CTNNA3: variants seen among roughly 807,000 people sequenced by gnomAD.
CTNNA3 encodes the protein catenin alpha 3, also known as catenin alpha-3.
In CTNNA3, 76 loss-of-function variants were observed where a neutral mutation model predicts 95.7. The observed-to-expected ratio is 0.79, with a 90% CI of 0.66 to 0.96. The LOEUF (loss-of-function observed/expected upper bound fraction) is 0.96, where lower values mean the gene tolerates loss of function less well. CTNNA3 is among the 40% of genes least tolerant of loss of function. The probability of loss-of-function intolerance (pLI) is 0.00; values close to 1 mark genes in which losing one functional copy is unlikely to be tolerated. For synonymous variants in CTNNA3, 431 were observed against 374.4 expected (o/e 1.15, Z -1.74); for missense variants, 1,191 against 1,089.8 (o/e 1.09, Z -1.31).
chr10:67,517,160 T>G (rs1171912024), intron 5 of CTNNA3, among the ~76,000 whole-genome samples: 1 of 152,140 alleles, frequency 6.6e-6, no homozygotes, highest in Non-Finnish European at 1.5e-5. Context: ...ATTTCATATG[T>G]TTTTAGCAAC....
intron 9 of CTNNA3, among the ~76,000 whole-genome samples, chr10:66,666,481 A>G (rs1199842952): frequency 6.6e-6 from 1 of 152,160 alleles, no homozygotes; most frequent in Non-Finnish European, 1.5e-5. Flanking sequence ...TAAAAAATTG[A>G]TCACTTTTGT....
chr10:66,305,221 A>C, intron 12 of CTNNA3, among the ~76,000 whole-genome samples: 1 of 152,284 alleles, frequency 6.6e-6, no homozygotes, highest in African/African-American at 2.4e-5. Flanking sequence ...TAGGTATTTA[A>C]GTTATTAGTT....
At chr10:66,668,834 A>C (rs908206823) in intron 9 of CTNNA3, among the ~76,000 whole-genome samples, 1 of 151,932 alleles carries the variant, frequency 6.6e-6, no homozygotes, top group Non-Finnish European at 1.5e-5. Flanking sequence ...ATAATAAAAT[A>C]TCTCACATAT....
At chr10:66,497,793 A>G (rs1176473543) in intron 11 of CTNNA3, among the ~76,000 whole-genome samples, 2 of 152,062 alleles carry the variant, frequency 1.3e-5, no homozygotes, top group African/African-American at 2.4e-5. Context: ...ATAATTCTCC[A>G]CCATCTTCCA....
At chr10:66,815,031 T>C (rs1205176064) in intron 7 of CTNNA3, among the ~76,000 whole-genome samples, 1 of 151,856 alleles carries the variant, frequency 6.6e-6, no homozygotes, top group Non-Finnish European at 1.5e-5. Flanking sequence ...TTTGTATTTT[T>C]AGTAGAGACG....
intron 5 of CTNNA3, among the ~76,000 whole-genome samples, chr10:67,387,823 A>G (rs912904696): frequency 6.6e-6 from 1 of 152,210 alleles, no homozygotes; most frequent in Non-Finnish European, 1.5e-5. Flanking sequence ...ATGGCAGGGT[A>G]TTCCAACAGA....
intron 7 of CTNNA3, among the ~76,000 whole-genome samples, chr10:66,905,711 A>C (rs1186403237): frequency 1.3e-5 from 2 of 152,204 alleles, no homozygotes; most frequent in Non-Finnish European, 2.9e-5. Context: ...ATTTTGCTAC[A>C]TGCATTACGC....
At chr10:67,534,417 T>G (rs970986860) in intron 4 of CTNNA3, among the ~76,000 whole-genome samples, 4 of 152,112 alleles carry the variant, frequency 2.6e-5, no homozygotes, top group Admixed American at 2.0e-4. Context: ...GCTAGAGAGA[T>G]AACTATTCTT....
chr10:66,195,617 G>A (rs1350302371), intron 13 of CTNNA3, among the ~76,000 whole-genome samples: 2 of 152,118 alleles, frequency 1.3e-5, no homozygotes, highest in African/African-American at 2.4e-5. Flanking sequence ...ACATGAGAGA[G>A]CAAACTTGGG....
At chr10:66,324,199 A>C (rs1163700026) in intron 12 of CTNNA3, among the ~76,000 whole-genome samples, 4 of 151,702 alleles carry the variant, frequency 2.6e-5, no homozygotes, top group Non-Finnish European at 4.4e-5. Flanking sequence ...GCACACCTGT[A>C]ATCCCAGCTA....
intron 13 of CTNNA3, among the ~76,000 whole-genome samples, chr10:66,234,639 A>T (rs998942051): frequency 6.6e-6 from 1 of 152,240 alleles, no homozygotes; most frequent in Non-Finnish European, 1.5e-5. Context: ...GGTGACCTAC[A>T]TCCCTAAGGC....
chr10:66,999,451 A>T (rs1448194682), intron 7 of CTNNA3, among the ~76,000 whole-genome samples: 1 of 152,148 alleles, frequency 6.6e-6, no homozygotes, highest in African/African-American at 2.4e-5. Context: ...TTACACAGAA[A>T]ACTGGGCTGT....
intron 5 of CTNNA3, among the ~76,000 whole-genome samples, chr10:67,504,862 T>C (rs143043673): frequency 6.6e-6 from 1 of 152,364 alleles, no homozygotes; most frequent in East Asian, 1.9e-4. Context: ...AAATTTAAAA[T>C]AAAGTTCAGG....
At chr10:67,235,521 G>A (rs925567494) in intron 5 of CTNNA3, among the ~76,000 whole-genome samples, 9 of 150,188 alleles carry the variant, frequency 6.0e-5, no homozygotes, top group African/African-American at 2.2e-4. Flanking sequence ...ATTCAAGATG[G>A]ATTAAAGACT....
At chr10:66,397,513 T>C (rs1199926493) in intron 11 of CTNNA3, among the ~76,000 whole-genome samples, 2 of 151,872 alleles carry the variant, frequency 1.3e-5, no homozygotes, top group Admixed American at 6.6e-5. Context: ...CATGGTATAT[T>C]CATTCATTCA....
At chr10:67,570,258 T>C (rs1589438448) in intron 3 of CTNNA3, among the ~76,000 whole-genome samples, 1 of 152,080 alleles carries the variant, frequency 6.6e-6, no homozygotes, top group African/African-American at 2.4e-5. Flanking sequence ...TCTTTCCTCA[T>C]TGACTTCTTC....
chr10:66,247,246 G>T (rs115343671), intron 13 of CTNNA3, among the ~76,000 whole-genome samples: 3,666 of 152,152 alleles, frequency 0.024, 96 homozygotes, highest in African/African-American at 0.066. Flanking sequence ...TTGTCTTGTG[G>T]TTTGAGTGCC....
chr10:66,211,415 C>T (rs2131950099), intron 13 of CTNNA3, among the ~76,000 whole-genome samples: 1 of 152,124 alleles, frequency 6.6e-6, no homozygotes, highest in East Asian at 1.9e-4. Context: ...GTGAGTATAA[C>T]AAAAAAGGAA....
At chr10:66,338,573 G>T (rs2092421008) in intron 12 of CTNNA3, among the ~76,000 whole-genome samples, 1 of 151,884 alleles carries the variant, frequency 6.6e-6, no homozygotes, top group African/African-American at 2.4e-5. Context: ...TGAAAACTTG[G>T]TGACTGAAAG....
Sources: gnomAD v4.1 joint callset for allele counts (sites outside exome capture counted in the v4.1 genomes callset) on GRCh38, gnomAD v4.1.1 for gene constraint, MANE v1.5 for transcripts, NCBI Gene and HGNC (gene_info 2026-07-23, HGNC 2026-07-21) for gene names.